Variants in PHF20 observed in about 807,000 individuals in gnomAD.
The protein encoded by PHF20 is glioma-expressed antigen 2.
Under a neutral mutation model 113.5 loss-of-function variants are expected in PHF20, and 23 were observed. The observed-to-expected ratio is 0.20, with a 90% CI of 0.15 to 0.29. PHF20 has a LOEUF of 0.29. Ranked by LOEUF, PHF20 falls within the 10% of genes least tolerant of loss-of-function variation. PHF20 has a pLI of 1.00. For synonymous variants in PHF20, 434 were observed against 457.3 expected, an observed-to-expected ratio of 0.95 and a Z score of 0.65; for missense variants, 943 against 1,219.6, an observed-to-expected ratio of 0.77 and a Z score of 3.38.
intron 10 of PHF20, among the ~76,000 whole-genome samples, chr20:35,906,224 TG>T (rs373185514): frequency 2.6e-5 from 4 of 152,336 alleles, no homozygotes; most frequent in African/African-American, 9.6e-5. Flanking sequence ...CCTTTTCTCA[TG>T]GGACTACACT....
chr20:35,778,304 A>G (rs1316331662), intron 1 of PHF20, among the ~76,000 whole-genome samples: 1 of 152,054 alleles, frequency 6.6e-6, no homozygotes, highest in East Asian at 1.9e-4. Context: ...AAGCTGGGAC[A>G]TTTTTCTTGA....
At chr20:35,819,707 A>G (rs572895723) in intron 2 of PHF20, among the ~76,000 whole-genome samples, 1 of 152,134 alleles carries the variant, frequency 6.6e-6, no homozygotes, top group East Asian at 1.9e-4. Context: ...AGCTTTCCAC[A>G]AACATGTATT....
Position 35,870,997 on chromosome 20 carries a change from A to G in PHF20, c.965A>G (p.Asp322Gly). Residue 322 changes from aspartate to glycine, a missense_variant, in exon 8 of 18, where the codon GAC (aspartate) becomes GGC (glycine). By Grantham distance (94) the Asp-to-Gly change is moderately conservative (BLOSUM62 -1). Coordinates refer to ENST00000374012, the MANE Select transcript of PHF20 (RefSeq NM_016436.5). ...SKNYSENTDK[D>G]LSRRRSSRLS... ...AACTACTCGGAAAACACTGACAAAG[A>G]CTTATCGAGGAGACGTTCCTCCAGG... 1 of 1,609,524 alleles carries G rather than the reference A, an allele frequency of 6.2e-7. No individual in the cohort carries two copies. Among genetic ancestry groups the G allele is most frequent in the Non-Finnish European group, 8.5e-7 (1 of 1,179,034 alleles).
chr20:35,910,539 C>T (rs2055279570), intron 10 of PHF20, among the ~76,000 whole-genome samples: 1 of 152,086 alleles, frequency 6.6e-6, no homozygotes, highest in African/African-American at 2.4e-5. Context: ...TTTCCTCATG[C>T]CCCTTTTTAG....
intron 17 of PHF20, among the ~76,000 whole-genome samples, chr20:35,942,043 T>C (rs2055991063): frequency 6.6e-6 from 1 of 152,140 alleles, no homozygotes. Context: ...CTCACACCTA[T>C]AATCCCAGTA....
intron 2 of PHF20, among the ~76,000 whole-genome samples, chr20:35,806,715 G>A (rs2041887115): frequency 6.7e-6 from 1 of 149,586 alleles, no homozygotes. Flanking sequence ...TTATTTAATT[G>A]ATATTGCTTT....
At chr20:35,909,664 A>T (rs748129378) in intron 10 of PHF20, among the ~76,000 whole-genome samples, 1 of 152,036 alleles carries the variant, frequency 6.6e-6, no homozygotes, top group African/African-American at 2.4e-5. Context: ...ATGTTTGTTG[A>T]CTTTCTTTCT....
rs186547394 is a variant in PHF20, at chr20:35,867,733, C to T, written c.809-1705C>T. On this transcript the variant is annotated intron_variant, in intron 6 of 17. Coordinates refer to ENST00000374012, the MANE Select transcript of PHF20 (RefSeq NM_016436.5). ...GCCGTGTCTTGTTGAGCCATTTGAC[C>T]GACCTGAAGCTACAGGTCTTAGATG... Among the ~76,000 whole-genome samples, 48 of 152,200 alleles carry T rather than the reference C, an allele frequency of 3.2e-4. 1 individual carries two copies. The Middle Eastern group carries it at 0.017, about 54-fold the overall frequency.
chr20:35,925,772 T>C (rs1454849986), intron 13 of PHF20, among the ~76,000 whole-genome samples: 1 of 152,074 alleles, frequency 6.6e-6, no homozygotes, highest in Non-Finnish European at 1.5e-5. Flanking sequence ...TTGTTTATTA[T>C]TCTCATTCAT....
At chr20:35,843,569 A>G (rs981819366) in intron 3 of PHF20, among the ~76,000 whole-genome samples, 32 of 150,610 alleles carry the variant, frequency 2.1e-4, no homozygotes, top group Non-Finnish European at 4.0e-4. Flanking sequence ...AGAACGTTGT[A>G]CTAAGTCTCA....
At chr20:35,945,531 G>C (rs1277228916) in intron 17 of PHF20, among the ~76,000 whole-genome samples, 2 of 152,206 alleles carry the variant, frequency 1.3e-5, no homozygotes, top group African/African-American at 4.8e-5. Context: ...GAGGACAGGA[G>C]AGGATTGCGC....
At chr20:35,864,566 C>A (rs1278877351) in intron 6 of PHF20, among the ~76,000 whole-genome samples, 2 of 152,088 alleles carry the variant, frequency 1.3e-5, no homozygotes, top group Non-Finnish European at 2.9e-5. Flanking sequence ...GACTTAATTT[C>A]TGTGGAAAAA....
intron 13 of PHF20, among the ~76,000 whole-genome samples, chr20:35,926,395 G>A (rs1039438823): frequency 3.8e-4 from 58 of 151,236 alleles, no homozygotes; most frequent in African/African-American, 1.3e-3. Context: ...CCGCCACCAC[G>A]CCCGGCTAAT....
intron 2 of PHF20, among the ~76,000 whole-genome samples, chr20:35,813,251 C>T (rs113901511): frequency 0.049 from 7,275 of 149,158 alleles, 212 homozygotes; most frequent in African/African-American, 0.09. Context: ...ATTACAGGCG[C>T]GGTGAGCCAC....
rs1261966277 is a variant in PHF20 at position 35,917,599 on chromosome 20, C to T, written c.1941C>T (p.Arg647=). Residue 647 remains arginine, a synonymous_variant, in exon 13 of 18, where the codon CGC becomes CGT. Coordinates refer to ENST00000374012, the MANE Select transcript of PHF20 (RefSeq NM_016436.5). ...NPDEELDGDD[R]YDFEVVRCIC... ...ATGAGGAACTTGATGGGGATGACCG[C>T]TATGACTTCGAGGTGGTCCGCTGCA... The T allele has an allele frequency of 6.2e-7, 1 of 1,614,084 alleles. No individual in the cohort carries two copies. Among genetic ancestry groups the T allele is most frequent in the South Asian group, 1.1e-5 (1 of 91,062 alleles).
chr20:35,899,813 C>T (rs187651838), intron 10 of PHF20, among the ~76,000 whole-genome samples, 165 bp downstream of exon 10: 4 of 152,286 alleles, frequency 2.6e-5, no homozygotes, highest in African/African-American at 9.6e-5. Context: ...GGAGCTGTGG[C>T]CTTCCTACAG....
At chr20:35,943,963 A>G (rs1013984929) in intron 17 of PHF20, among the ~76,000 whole-genome samples, 1 of 151,468 alleles carries the variant, frequency 6.6e-6, no homozygotes, top group Non-Finnish European at 1.5e-5. Flanking sequence ...TTTAATGACC[A>G]TGAAAAGTAA....
In PHF20 at chr20:35,947,551, A is replaced by C; in HGVS notation, c.2963A>C (p.Gln988Pro). ...CCTGAGCCGCTGGCCAGGCTTCCGC[A>C]GCTCAAGCATTGTATCAAGCAGCTG... is the stretch of plus-strand genomic sequence containing the variant. ...EPPEPLARLP[Q>P]LKHCIKQLLM... The change falls in exon 18 of 18, where the codon CAG becomes CCG. Residue 988 changes from glutamine (Q) to proline (P), a missense_variant. Gln to Pro is a moderately conservative substitution (Grantham distance 76). Around this residue, in one of 3 missense-constraint regions of PHF20, gnomAD observed 349 missense variants for 412.3 expected, o/e 0.85. Transcript: ENST00000374012. 1 of 1,614,102 alleles carries C rather than the reference A, an allele frequency of 6.2e-7. No individual in the cohort carries two copies. Among genetic ancestry groups the C allele is most frequent in the Non-Finnish European group, 8.5e-7 (1 of 1,179,982 alleles).
chr20:35,778,614 G>A (rs149200809), intron 1 of PHF20, among the ~76,000 whole-genome samples: 3 of 152,132 alleles, frequency 2.0e-5, no homozygotes, highest in African/African-American at 7.2e-5. Context: ...TTAGTCAGGC[G>A]TGGTGGCAGG....
Sources: allele counts gnomAD v4.1 joint callset (sites outside exome capture counted in the v4.1 genomes callset), GRCh38; gene constraint gnomAD v4.1.1; regional missense constraint gnomAD v4.1.1; transcripts MANE v1.5; gene names NCBI Gene and HGNC (gene_info 2026-07-23, HGNC 2026-07-21).